The following LRP2 variants were observed in gnomAD, a reference collection of about 807,000 sequenced individuals.
The protein encoded by LRP2 is LDL receptor related protein 2, also known as low-density lipoprotein receptor-related protein 2.
A neutral mutation model predicts 531.0 loss-of-function variants in LRP2; 172 were observed. The ratio of observed to expected loss-of-function variants is 0.32; its 90% CI spans 0.29 to 0.37. The LOEUF (loss-of-function observed/expected upper bound fraction) is 0.37. Among genes scored for constraint, LRP2 ranks in the 10% least tolerant of loss-of-function variants. LRP2 has a pLI of 1.00. For missense variants in LRP2, 5,167 were observed against 5,868.3 expected (o/e 0.88, Z 3.90); for synonymous variants, 1,992 against 2,027.6 (o/e 0.98, Z 0.47).
In LRP2 at chr2:169,256,134, T is replaced by C. The variant is rs761369398; in HGVS notation, c.2742A>G (p.Thr914=). ...CAAAGATGGCAAGTCCAAACGGATGTGTCATCTGCTCTATATGGCCCAGTC... is the reference window on the plus strand; with the variant it reads ...CAAAGATGGCAAGTCCAAACGGATGCGTCATCTGCTCTATATGGCCCAGTC... ...RRRLGHIEQM[T]HPFGLAIFGE... Residue 914 remains threonine, a synonymous_variant, in exon 19 of 79, where the codon ACA becomes ACG. Coordinates refer to ENST00000649046, the MANE Select transcript of LRP2 (RefSeq NM_004525.3). The C allele has an allele frequency of 4.0e-5, 64 of 1,612,974 alleles. No individual in the cohort carries two copies. In the South Asian group the frequency reaches 6.9e-4, roughly 17 times the overall value.
At chr2:169,317,892 C>T (rs982335867) in intron 3 of LRP2, among the ~76,000 whole-genome samples, 4 of 151,980 alleles carry the variant, frequency 2.6e-5, no homozygotes, top group African/African-American at 7.2e-5. Flanking sequence ...GCCTGGGAAA[C>T]GTAACAAGAT....
chr2:169,132,618 C>A lies in LRP2; in HGVS notation c.13684G>T (p.Val4562Phe). 1.2e-6 allele frequency: 2 copies of A among 1,611,758 alleles called. No homozygotes were observed. Among genetic ancestry groups the A allele is most frequent in the Non-Finnish European group, 1.7e-6 (2 of 1,177,902 alleles). The change falls in exon 77 of 79, where the codon GTT becomes TTT. Residue 4562 changes from valine (V) to phenylalanine (F), a missense_variant. Coordinates refer to ENST00000649046, the MANE Select transcript of LRP2 (RefSeq NM_004525.3). ...YGSPINPSEI[V>F]PETNPTSPAA... is the part of the protein sequence containing the mutation. ...GGTGAAGTTGGGTTTGTCTCTGGAA[C>A]TATCTCAGAAGGGTTTATGGGACTT...
chr2:169,158,638 G>A (rs940330469), intron 63 of LRP2, among the ~76,000 whole-genome samples: 1 of 148,680 alleles, frequency 6.7e-6, no homozygotes, highest in Admixed American at 6.7e-5. Context: ...TTTGACATGG[G>A]AAATACCTAT....
chr2:169,358,814 G>A (rs956547964), intron 1 of LRP2, among the ~76,000 whole-genome samples: 5 of 149,810 alleles, frequency 3.3e-5, no homozygotes, highest in South Asian at 2.1e-4. Flanking sequence ...GCAACACAGT[G>A]AGACCCCATT....
intron 44 of LRP2, among the ~76,000 whole-genome samples, chr2:169,200,845 G>A (rs558960226): frequency 3.5e-4 from 54 of 152,242 alleles, no homozygotes; most frequent in African/African-American, 1.3e-3. Flanking sequence ...AACCACCGAT[G>A]GATGCTAAAA....
At chr2:169,138,203 C>T (rs1685588566) in intron 75 of LRP2, among the ~76,000 whole-genome samples, 1 of 152,144 alleles carries the variant, frequency 6.6e-6, no homozygotes, top group African/African-American at 2.4e-5. Flanking sequence ...ATATATGACA[C>T]TAGGAAAAAT....
chr2:169,339,228 A>T lies in LRP2; in HGVS notation c.80-18344T>A, dbSNP rs1005662233. Among the ~76,000 whole-genome samples the T allele has an allele frequency of 2.0e-5, 3 of 152,084 alleles. No homozygotes were observed. In the East Asian group the frequency reaches 5.8e-4, roughly 29 times the overall value. ...ATTAAAATAACCTAATTATGTAGCT[A>T]ATTCCCCCAAAAGCTAATTTAATAC... On this transcript the variant is annotated intron_variant, in intron 1 of 78. Transcript: ENST00000649046.
Position 169,330,484 on chromosome 2 carries a change from C to T in LRP2, c.80-9600G>A, listed in dbSNP as rs1685235903. ...CTGTCTTTCTCCCCCAAGGCTCTTA[C>T]ATCCCACTTGTTTTTTCATTATGCA... On this transcript the variant is annotated intron_variant, in intron 1 of 78. Transcript: ENST00000649046. 2.6e-5 allele frequency among the ~76,000 whole-genome samples: 4 copies of T among 152,180 alleles called. No individual in the cohort carries two copies. In the South Asian group the frequency reaches 6.2e-4, roughly 24 times the overall value.
rs773806820 is a variant in LRP2, at chr2:169,188,050, T to C, written c.9248A>G (p.Asp3083Gly). ...CATCATCTCGATGCAGCGCCCATTG[T>C]CACACTTGAACTCGTGAGGTGGACA... ...PTCPPHEFKCDNGRCIEMMKL... is the reference protein window; with the variant it reads ...PTCPPHEFKCGNGRCIEMMKL... The change falls in exon 49 of 79, where the codon GAC (aspartate) becomes GGC (glycine). Residue 3083 changes from aspartate to glycine, a missense_variant. Asp to Gly is a moderately conservative substitution (Grantham distance 94). Around this residue, in one of 6 missense-constraint regions of LRP2, gnomAD observed 1,129 missense variants for 1,362.7 expected, o/e 0.83. Coordinates refer to ENST00000649046, the MANE Select transcript of LRP2 (RefSeq NM_004525.3). 1.2e-6 allele frequency: 2 copies of C among 1,614,182 alleles called. No homozygotes were observed. Among genetic ancestry groups the C allele is most frequent in the Admixed American group, 3.3e-5 (2 of 60,028 alleles).
chr2:169,256,689 C>T (rs147808939), intron 18 of LRP2, among the ~76,000 whole-genome samples: 127 of 152,142 alleles, frequency 8.3e-4, no homozygotes, highest in African/African-American at 2.9e-3. Flanking sequence ...CTTTTAAAGT[C>T]CTCCCAAAGT....
At chr2:169,338,514 A>G (rs1685483447) in intron 1 of LRP2, among the ~76,000 whole-genome samples, 1 of 152,228 alleles carries the variant, frequency 6.6e-6, no homozygotes, top group African/African-American at 2.4e-5. Flanking sequence ...GGCATGCTTT[A>G]TAGAGTGCTC....
chr2:169,196,334 A>G (rs1243324505), intron 46 of LRP2, among the ~76,000 whole-genome samples: 1 of 152,232 alleles, frequency 6.6e-6, no homozygotes, highest in Non-Finnish European at 1.5e-5. Context: ...TTATATTTTT[A>G]CAATTATGTA....
At position 169,310,531 on chromosome 2, in the gene LRP2, T is replaced by C. The variant is rs183057156; in HGVS notation, c.311-3134A>G. 2.6e-3 allele frequency among the ~76,000 whole-genome samples: 398 copies of C among 152,340 alleles called. 2 individuals are homozygous for C. The highest frequency in any genetic ancestry group is 9.0e-3 in the African/African-American group (373 of 41,574). ...TTGATTTGCGTATGTTGAACCAGCC[T>C]TGCATCCCAGGGATGAAACCAACTT... On this transcript the variant is annotated intron_variant, in intron 3 of 78. Coordinates refer to ENST00000649046, the MANE Select transcript of LRP2 (RefSeq NM_004525.3).
intron 61 of LRP2, 74 bp from the exon 62 acceptor site, chr2:169,166,128 G>C (rs1370516064): frequency 2.0e-6 from 3 of 1,505,468 alleles, no homozygotes; most frequent in East Asian, 4.6e-5. Context: ...AAATACTCCA[G>C]TGTCAGCACC....
In LRP2 at chr2:169,262,661, C is replaced by T. The variant is rs1160912854; in HGVS notation, c.2321-3444G>A. On this transcript the variant is annotated intron_variant, in intron 16 of 78. Transcript: ENST00000649046. Reference sequence around the variant, plus strand: ...GGAAGAATCAATATCGTGAAAATGGCCATACTGCCCAAGGTAATTTATAGA... The same window carrying T: ...GGAAGAATCAATATCGTGAAAATGGTCATACTGCCCAAGGTAATTTATAGA... Among the ~76,000 whole-genome samples, 12 of 149,620 alleles carry T rather than the reference C, an allele frequency of 8.0e-5. No homozygotes were observed. The Admixed American group carries it at 8.1e-4, about 10-fold the overall frequency.
chr2:169,200,805 ACT>A (rs1175311500), intron 44 of LRP2, among the ~76,000 whole-genome samples: 1 of 152,168 alleles, frequency 6.6e-6, no homozygotes, highest in Admixed American at 6.5e-5. Flanking sequence ...CCCATTCATA[ACT>A]CTTAAAGAAA....
intron 55 of LRP2, among the ~76,000 whole-genome samples, chr2:169,174,372 T>C (rs577939802): frequency 1.8e-4 from 28 of 152,336 alleles, no homozygotes; most frequent in Non-Finnish European, 3.8e-4. Flanking sequence ...CTTTATTGCA[T>C]ACAGACTTAA....
At chr2:169,232,162 C>T (rs1248770717) in intron 30 of LRP2, among the ~76,000 whole-genome samples, 2 of 151,562 alleles carry the variant, frequency 1.3e-5, no homozygotes, top group African/African-American at 2.4e-5. Flanking sequence ...AAATATGATG[C>T]CAAATAATCT....
At chr2:169,352,942 T>A (rs546323722) in intron 1 of LRP2, among the ~76,000 whole-genome samples, 2 of 152,084 alleles carry the variant, frequency 1.3e-5, no homozygotes, top group East Asian at 3.9e-4. Context: ...AAAACCTAGA[T>A]GAAAGGTTGA....
Sources: gnomAD v4.1 joint callset for allele counts (sites outside exome capture counted in the v4.1 genomes callset) on GRCh38, gnomAD v4.1.1 for gene constraint, gnomAD v4.1.1 regional missense constraint, MANE v1.5 for transcripts, NCBI Gene and HGNC (gene_info 2026-07-23, HGNC 2026-07-21) for gene names.